ERBIN: variants seen among roughly 807,000 people sequenced by gnomAD.
The protein encoded by ERBIN is densin-180-like protein.
Under a neutral mutation model 158.4 loss-of-function variants are expected in ERBIN, and 60 were observed. The observed-to-expected ratio is 0.38, with a 90% CI of 0.31 to 0.47. ERBIN has a LOEUF of 0.47. ERBIN is among the 20% of genes least tolerant of loss of function. The pLI, the probability that ERBIN is intolerant of heterozygous loss-of-function variation, is 0.99. For synonymous variants in ERBIN, 594 were observed against 557.2 expected (o/e 1.07, Z -0.93); for missense variants, 1,610 against 1,648.0 (o/e 0.98, Z 0.40).
At chr5:66,027,583 T>C (rs1044264652) in intron 13 of ERBIN, among the ~76,000 whole-genome samples, 1 of 152,076 alleles carries the variant, frequency 6.6e-6, no homozygotes, top group Non-Finnish European at 1.5e-5. Flanking sequence ...CCCTAAACAA[T>C]ACAGTATACC....
Position 66,024,089 on chromosome 5 carries a change from T to A in ERBIN, c.673-217T>A, listed in dbSNP as rs576250725. Among the ~76,000 whole-genome samples the A allele has an allele frequency of 2.6e-5, 4 of 152,312 alleles. No homozygotes were observed. The East Asian group carries it at 7.7e-4, about 29-fold the overall frequency. ...AATGGATACCTGAATTCCCAAAGAA[T>A]ATGTCCTTTGTCACTTCTGCTATGC... On this transcript the variant is annotated intron_variant, in intron 9 of 25. Coordinates refer to ENST00000284037, the MANE Select transcript of ERBIN (RefSeq NM_001253697.2).
intron 21 of ERBIN, among the ~76,000 whole-genome samples, chr5:66,070,338 C>T (rs1257867348): frequency 6.6e-6 from 1 of 152,130 alleles, no homozygotes; most frequent in Non-Finnish European, 1.5e-5. Context: ...CCACCGCGCC[C>T]AGCTAGGAAC....
chr5:65,970,962 ACT>A (rs1482065653), intron 1 of ERBIN, among the ~76,000 whole-genome samples: 2 of 152,050 alleles, frequency 1.3e-5, no homozygotes, highest in Non-Finnish European at 2.9e-5. Flanking sequence ...CCTAGTAGTA[ACT>A]CAGCAAATGT....
chr5:65,990,658 A>T (rs1213140898), intron 2 of ERBIN, among the ~76,000 whole-genome samples: 2 of 147,452 alleles, frequency 1.4e-5, no homozygotes, highest in African/African-American at 2.5e-5. Context: ...ACTCCATCTC[A>T]AAAAAAAATT....
intron 20 of ERBIN, among the ~76,000 whole-genome samples, chr5:66,051,740 C>A (rs904714283): frequency 6.6e-6 from 1 of 151,634 alleles, no homozygotes; most frequent in Non-Finnish European, 1.5e-5. Context: ...AAAAAAAGTA[C>A]AAAAGTTGGC....
chr5:65,987,647 G>A (rs1483010596), intron 1 of ERBIN, among the ~76,000 whole-genome samples: 6 of 152,084 alleles, frequency 3.9e-5, no homozygotes, highest in Admixed American at 3.9e-4. Context: ...GAGGTCAGGA[G>A]TTTGAGACCA....
At chr5:65,985,215 T>C (rs1395482600) in intron 1 of ERBIN, among the ~76,000 whole-genome samples, 2 of 152,186 alleles carry the variant, frequency 1.3e-5, no homozygotes, top group African/African-American at 4.8e-5. Flanking sequence ...CGCCTCAGCC[T>C]CTTGAGTACT....
chr5:65,975,601 C>T (rs1749767796), intron 1 of ERBIN, among the ~76,000 whole-genome samples: 2 of 152,300 alleles, frequency 1.3e-5, no homozygotes, highest in Non-Finnish European at 1.5e-5. Flanking sequence ...CCACTGCGCC[C>T]GGCTAGATTG....
chr5:66,062,874 T>A (rs1222450077), intron 21 of ERBIN, among the ~76,000 whole-genome samples: 1 of 152,152 alleles, frequency 6.6e-6, no homozygotes, highest in African/African-American at 2.4e-5. Context: ...GAACCGCAAA[T>A]GCTGCTGCCT....
At chr5:65,941,012 C>T (rs1167944294) in intron 1 of ERBIN, among the ~76,000 whole-genome samples, 1 of 151,978 alleles carries the variant, frequency 6.6e-6, no homozygotes, top group African/African-American at 2.4e-5. Flanking sequence ...GATCGGTGAC[C>T]CTACCCCCAA....
chr5:66,042,951 T>G, intron 15 of ERBIN, 126 bp from the exon 16 acceptor site: 1 of 669,978 alleles, frequency 1.5e-6, no homozygotes, highest in South Asian at 2.3e-5. Flanking sequence ...ATTTCTTGCA[T>G]TGACCATTCT....
intron 21 of ERBIN, among the ~76,000 whole-genome samples, chr5:66,057,195 A>T (rs1040920848): frequency 1.4e-4 from 22 of 152,342 alleles, no homozygotes; most frequent in African/African-American, 5.1e-4. Context: ...TCAGTTAGCT[A>T]CTTGGACAAA....
intron 7 of ERBIN, among the ~76,000 whole-genome samples, chr5:66,018,463 ATAATATATATTATATATTATATAT>A (rs1227568394): frequency 1.1e-4 from 1 of 8,826 alleles, no homozygotes; most frequent in African/African-American, 3.6e-4. Flanking sequence ...ATTATATTAT[ATAATATATATTATATATTATATAT>A]TATATTATAT....
intron 14 of ERBIN, 110 bp downstream of exon 14, chr5:66,028,453 TAAAC>T: frequency 1.7e-6 from 1 of 604,248 alleles, no homozygotes; most frequent in Non-Finnish European, 2.7e-6. Flanking sequence ...GGTACACATG[TAAAC>T]ATATCTTTTA....
At chr5:66,036,078 A>G (rs1215173092) in intron 14 of ERBIN, among the ~76,000 whole-genome samples, 2 of 152,224 alleles carry the variant, frequency 1.3e-5, no homozygotes, top group Non-Finnish European at 2.9e-5. Context: ...CCTGGGTGAC[A>G]GAACAAGATT....
chr5:66,040,969 T>C (rs1000930785), intron 15 of ERBIN, among the ~76,000 whole-genome samples: 1 of 151,850 alleles, frequency 6.6e-6, no homozygotes, highest in Admixed American at 6.6e-5. Context: ...GAAAGGGAAG[T>C]ATGCCTTCAT....
chr5:65,949,993 G>A lies in ERBIN; in HGVS notation c.-58+23187G>A, dbSNP rs192252623. Among the ~76,000 whole-genome samples, 318 of 151,326 alleles carry A rather than the reference G, an allele frequency of 2.1e-3. 1 individual carries two copies. The highest frequency in any genetic ancestry group is 7.3e-3 in the African/African-American group (300 of 41,192). On this transcript the variant is annotated intron_variant, in intron 1 of 25. Transcript: ENST00000284037. ...TGCAGGAACCTAAAATATCTGCCCA[G>A]CCCAATTTTCAGGTATTTCCCCGCT...
intron 4 of ERBIN, among the ~76,000 whole-genome samples, chr5:66,010,140 A>T (rs1018794475): frequency 1.3e-5 from 2 of 151,996 alleles, no homozygotes; most frequent in African/African-American, 4.8e-5. Flanking sequence ...GTGGGTCCTT[A>T]GTCTTCCTCT....
intron 14 of ERBIN, among the ~76,000 whole-genome samples, chr5:66,031,206 A>T (rs914776918): frequency 6.6e-5 from 10 of 152,238 alleles, no homozygotes; most frequent in Non-Finnish European, 1.0e-4. Context: ...TTGTTCTACT[A>T]TTTAATGTTT....
Sources: gnomAD v4.1 joint callset for allele counts (sites outside exome capture counted in the v4.1 genomes callset) on GRCh38, gnomAD v4.1.1 for gene constraint, MANE v1.5 for transcripts, NCBI Gene and HGNC (gene_info 2026-07-23, HGNC 2026-07-21) for gene names.